The following MOB1B variants were observed in gnomAD, a reference collection of about 807,000 sequenced individuals.
MOB1B encodes MOB kinase activator 1B, also known as MOB1 Mps One Binder homolog B.
A neutral mutation model predicts 24.4 loss-of-function variants in MOB1B; 19 were observed. That is an observed-to-expected ratio of 0.78 (90% CI 0.54 to 1.14). MOB1B has a LOEUF of 1.14. MOB1B is among the 50% of genes most tolerant of loss of function. The pLI is 0.00. For missense variants in MOB1B, 243 were observed against 259.6 expected (o/e 0.94, Z 0.44); for synonymous variants, 76 against 82.1 (o/e 0.93, Z 0.40).
intron 1 of MOB1B, among the ~76,000 whole-genome samples, chr4:70,931,997 T>A (rs1234994686): frequency 6.6e-6 from 1 of 152,074 alleles, no homozygotes; most frequent in African/African-American, 2.4e-5. Context: ...TCCAAACTAG[T>A]GGGATTGTAG....
rs76801530 is a variant in MOB1B, at chr4:70,906,769, A to G, written c.14+4219A>G. 2.9e-3 allele frequency among the ~76,000 whole-genome samples: 439 copies of G among 152,326 alleles called. 3 individuals carry two copies. The highest frequency in any genetic ancestry group is 0.01 in the African/African-American group (429 of 41,584). On this transcript the variant is annotated intron_variant, in intron 1 of 5. Coordinates refer to ENST00000309395, the MANE Select transcript of MOB1B (RefSeq NM_173468.4). ...TATCTTCAGATTAAGCTAAACTCTC[A>G]TGGTAGATACGGAAACTTCACAGGG... is the stretch of plus-strand genomic sequence containing the variant.
chr4:70,962,299 A>G (rs1738337669), intron 2 of MOB1B, among the ~76,000 whole-genome samples: 1 of 152,226 alleles, frequency 6.6e-6, no homozygotes, highest in African/African-American at 2.4e-5. Flanking sequence ...ACCTGATAAC[A>G]CTATTTTGAT....
At position 70,987,279 on chromosome 4, in the gene MOB1B, T is replaced by C. The variant is rs2148908497; in HGVS notation, c.*5222T>C. 6.6e-6 allele frequency: 1 copy of C among 151,852 alleles called. No homozygotes were observed. Among genetic ancestry groups the C allele is most frequent in the East Asian group, 1.9e-4 (1 of 5,192 alleles). The allele number at this position is 151,852 out of a possible 1,614,324, so 9.4% of individuals were successfully genotyped here. A position where few individuals can be genotyped will look rare whatever the true frequency, so the allele number is the denominator to read the frequency against. On this transcript the variant is annotated 3_prime_UTR_variant, in exon 6 of 6. Coordinates refer to ENST00000309395, the MANE Select transcript of MOB1B (RefSeq NM_173468.4). ...TTAAAATTTCAATATTTAATTTCTC[T>C]ATATATTATTAATATTAAATTGTTT...
At chr4:70,950,831 G>A in intron 1 of MOB1B, 2 of 1,336,382 alleles carry the variant, frequency 1.5e-6, no homozygotes, top group South Asian at 1.3e-5. Context: ...TAGAGGCGGA[G>A]CAGAGAGAAC....
intron 1 of MOB1B, among the ~76,000 whole-genome samples, chr4:70,956,980 G>T (rs1738084121): frequency 6.6e-6 from 1 of 152,068 alleles, no homozygotes; most frequent in Admixed American, 6.6e-5. Flanking sequence ...GCAGCCAGGG[G>T]TTGAGAACTA....
intron 2 of MOB1B, among the ~76,000 whole-genome samples, chr4:70,965,020 C>T (rs564313266): frequency 3.3e-5 from 5 of 150,834 alleles, no homozygotes; most frequent in South Asian, 2.1e-4. Flanking sequence ...GAATTGGGCT[C>T]GGCGTGGTAG....
At chr4:70,913,250 G>A (rs1736066558) in intron 1 of MOB1B, among the ~76,000 whole-genome samples, 2 of 151,628 alleles carry the variant, frequency 1.3e-5, no homozygotes, top group South Asian at 2.1e-4. Context: ...TCTTATGTAC[G>A]TTTGTATGGG....
chr4:70,970,269 A>AT (rs1738702818), intron 3 of MOB1B, among the ~76,000 whole-genome samples: 1 of 151,910 alleles, frequency 6.6e-6, no homozygotes, highest in Non-Finnish European at 1.5e-5. Context: ...TGTTCCCTCC[A>AT]TTACGTACTT....
chr4:70,967,342 C>T (rs971809795), intron 2 of MOB1B, among the ~76,000 whole-genome samples: 1 of 152,286 alleles, frequency 6.6e-6, no homozygotes, highest in Admixed American at 6.5e-5. Flanking sequence ...CCATATTGTT[C>T]AGGCTGGTCT....
chr4:70,941,427 C>T (rs1050825889), intron 1 of MOB1B, among the ~76,000 whole-genome samples: 16 of 149,772 alleles, frequency 1.1e-4, no homozygotes, highest in Admixed American at 4.6e-4. Flanking sequence ...CTGAAAGCTC[C>T]GCCTCCTGGG....
intron 1 of MOB1B, 134 bp downstream of exon 1, chr4:70,902,684 A>G: frequency 1.2e-6 from 1 of 855,694 alleles, no homozygotes; most frequent in Non-Finnish European, 1.6e-6. Context: ...GTCACCACCA[A>G]GCGGGGCCCC....
chr4:70,926,327 G>A (rs1230667953), intron 1 of MOB1B, among the ~76,000 whole-genome samples: 1 of 151,596 alleles, frequency 6.6e-6, no homozygotes, highest in East Asian at 1.9e-4. Context: ...CTATGAGTGA[G>A]GAAATCCGAG....
intron 5 of MOB1B, among the ~76,000 whole-genome samples, chr4:70,981,090 T>G (rs915900426): frequency 6.6e-6 from 1 of 152,210 alleles, no homozygotes; most frequent in Non-Finnish European, 1.5e-5. Flanking sequence ...TAGAGCATGT[T>G]TTACTTAACA....
intron 1 of MOB1B, among the ~76,000 whole-genome samples, chr4:70,925,613 C>A (rs1216298701): frequency 6.6e-6 from 1 of 152,004 alleles, no homozygotes; most frequent in Admixed American, 6.6e-5. Context: ...TTTGGCACCA[C>A]CTAGGAGTAT....
intron 1 of MOB1B, among the ~76,000 whole-genome samples, chr4:70,955,161 G>A (rs781408634): frequency 3.3e-5 from 5 of 152,098 alleles, no homozygotes; most frequent in East Asian, 1.9e-4. Flanking sequence ...AGCCTAAAAC[G>A]TCGGGGCAGA....
intron 1 of MOB1B, among the ~76,000 whole-genome samples, chr4:70,953,688 A>T (rs375614610): frequency 6.6e-6 from 1 of 152,182 alleles, no homozygotes; most frequent in South Asian, 2.1e-4. Flanking sequence ...CATGCCTGTC[A>T]TTCCCAGCAC....
At chr4:70,914,347 C>T (rs1736114024) in intron 1 of MOB1B, among the ~76,000 whole-genome samples, 1 of 152,206 alleles carries the variant, frequency 6.6e-6, no homozygotes, top group Admixed American at 6.5e-5. Flanking sequence ...GCTTCTGTGT[C>T]TCTTTGACTT....
chr4:70,976,066 A>T, intron 4 of MOB1B: 1 of 322,344 alleles, frequency 3.1e-6, no homozygotes, highest in Non-Finnish European at 4.5e-6. Flanking sequence ...CGCCCAGCTA[A>T]TTTTTTTGCA....
intron 1 of MOB1B, among the ~76,000 whole-genome samples, chr4:70,942,315 T>C (rs761652763): frequency 9.2e-5 from 14 of 151,978 alleles, no homozygotes; most frequent in Non-Finnish European, 1.9e-4. Context: ...TAGTGGTCTA[T>C]TAAATATTTA....
Sources: gnomAD v4.1 joint callset for allele counts (sites outside exome capture counted in the v4.1 genomes callset) on GRCh38, gnomAD v4.1.1 for gene constraint, MANE v1.5 for transcripts, NCBI Gene and HGNC (gene_info 2026-07-23, HGNC 2026-07-21) for gene names.